PTPN3: variants seen among roughly 807,000 people sequenced by gnomAD.
PTPN3 encodes protein tyrosine phosphatase non-receptor type 3.
A neutral mutation model predicts 132.7 loss-of-function variants in PTPN3; 96 were observed. That is an observed-to-expected ratio of 0.72 (90% CI 0.61 to 0.86). PTPN3 has a LOEUF of 0.86. Among genes scored for constraint, PTPN3 ranks in the 40% least tolerant of loss-of-function variants. The pLI is 0.00. For missense variants in PTPN3, 1,125 were observed against 1,159.6 expected, an observed-to-expected ratio of 0.97 and a Z score of 0.43; for synonymous variants, 398 against 429.0, an observed-to-expected ratio of 0.93 and a Z score of 0.89.
chr9:109,521,984 G>GCTTAGAGAGT, the PTPN3 span, among the ~76,000 whole-genome samples: 2 of 152,092 alleles, frequency 1.3e-5, no homozygotes, highest in Non-Finnish European at 2.9e-5. Context: ...GGAAACCGAG[G>GCTTAGAGAGT]CTTAGAGAGG....
In PTPN3 at chr9:109,405,390, C is replaced by T. The variant is rs375288203; in HGVS notation, c.1793-782G>A. Among the ~76,000 whole-genome samples, 8 of 152,278 alleles carry T rather than the reference C, an allele frequency of 5.3e-5. No homozygotes were observed. In the South Asian group the frequency reaches 6.2e-4, roughly 12 times the overall value. ...TGGAGTGTCAGCCAAACGTGTGAGG[C>T]AGGCAGAGACGCAGGGCTTTGCAGA... On this transcript the variant is annotated intron_variant, in intron 18 of 25. Coordinates refer to ENST00000374541, the MANE Select transcript of PTPN3 (RefSeq NM_002829.4).
At chr9:109,408,144 G>A (rs528682363) in intron 17 of PTPN3, among the ~76,000 whole-genome samples, 177 bp downstream of exon 17, 10 of 152,206 alleles carry the variant, frequency 6.6e-5, no homozygotes, top group African/African-American at 2.4e-4. Flanking sequence ...CAGGTAACAT[G>A]GGTGCTATGG....
chr9:109,477,773 G>A (rs1217162769), intron 1 of PTPN3, among the ~76,000 whole-genome samples: 1 of 152,178 alleles, frequency 6.6e-6, no homozygotes, highest in Non-Finnish European at 1.5e-5. Context: ...CCTCAGTGAG[G>A]TGGCCAGCCC....
chr9:109,506,394 A>C, the PTPN3 span, among the ~76,000 whole-genome samples: 1 of 152,192 alleles, frequency 6.6e-6, no homozygotes, highest in African/African-American at 2.4e-5. Context: ...GGGGCAGAGG[A>C]GGGATGGAAG....
chr9:109,383,655 C>G (rs77234379), intron 22 of PTPN3, 104 bp from the exon 23 acceptor site: 1 of 1,455,228 alleles, frequency 6.9e-7, no homozygotes, highest in Non-Finnish European at 9.3e-7. Context: ...CATGCACACC[C>G]GAGAGCACTG....
rs185950180 is a variant in PTPN3 at position 109,415,731 on chromosome 9, G to A, written c.1313+4693C>T. 7.2e-5 allele frequency among the ~76,000 whole-genome samples: 11 copies of A among 152,298 alleles called. No individual in the cohort carries two copies. In the East Asian group the frequency reaches 1.7e-3, roughly 24 times the overall value. ...GGTAGAATCAACACGATGAGAAATGGCATAGGGACAGTGAAAGAAAAGGAG... is the reference window on the plus strand; with the variant it reads ...GGTAGAATCAACACGATGAGAAATGACATAGGGACAGTGAAAGAAAAGGAG... On this transcript the variant is annotated intron_variant, in intron 14 of 25. Transcript: ENST00000374541.
intron 5 of PTPN3, chr9:109,451,198 G>A: frequency 1.0e-6 from 1 of 972,454 alleles, no homozygotes; most frequent in Non-Finnish European, 1.2e-6. Context: ...AGGCCAGTCT[G>A]GGCAACATAG....
At chr9:109,401,728 C>T (rs998366516) in intron 19 of PTPN3, among the ~76,000 whole-genome samples, 72 of 152,276 alleles carry the variant, frequency 4.7e-4, no homozygotes, top group African/African-American at 1.0e-3. Flanking sequence ...ATCTGCACTG[C>T]GCTGTCCACC....
the PTPN3 span, among the ~76,000 whole-genome samples, chr9:109,537,308 C>G: frequency 1.3e-5 from 2 of 152,204 alleles, no homozygotes; most frequent in African/African-American, 4.8e-5. Context: ...AGTTTCCAAC[C>G]CCCTCCTCAA....
At chr9:109,388,225 G>A (rs1343011225) in intron 22 of PTPN3, among the ~76,000 whole-genome samples, 3 of 152,144 alleles carry the variant, frequency 2.0e-5, no homozygotes, top group African/African-American at 7.2e-5. Context: ...GACGGGTTAG[G>A]GCCTTCAGGA....
intron 14 of PTPN3, among the ~76,000 whole-genome samples, chr9:109,415,961 C>T (rs536952617): frequency 6.6e-6 from 1 of 152,128 alleles, no homozygotes; most frequent in Non-Finnish European, 1.5e-5. Flanking sequence ...AAAAGGGACA[C>T]AAACACTCTG....
chr9:109,441,574 T>C (rs1322945970), intron 7 of PTPN3, among the ~76,000 whole-genome samples: 2 of 152,184 alleles, frequency 1.3e-5, no homozygotes, highest in Admixed American at 1.3e-4. Context: ...GTTTTATCCA[T>C]CTGTGCACCC....
In PTPN3 at chr9:109,427,012, T is replaced by C. The variant is rs144167957; in HGVS notation, c.939A>G (p.Leu313=). 55 of 1,613,820 alleles carry C rather than the reference T, an allele frequency of 3.4e-5. No individual in the cohort carries two copies. In the African/African-American group the frequency reaches 6.4e-4, roughly 19 times the overall value. Residue 313 remains leucine, a synonymous_variant, in exon 12 of 26, where the codon CTA becomes CTG. Coordinates refer to ENST00000374541, the MANE Select transcript of PTPN3 (RefSeq NM_002829.4). The part of the protein sequence containing the change: ...EHHTFFQAKK[L]LPQEKNVLSQ... ...ACAGAACATTCTTTTCCTGAGGTAG[T>C]AGCTTCTTTGCCTGAAAGAACGTAT...
chr9:109,533,159 A>G, the PTPN3 span, among the ~76,000 whole-genome samples: 81 of 28,286 alleles, frequency 2.9e-3, no homozygotes, highest in South Asian at 4.0e-3. Context: ...TTTTTTTGAG[A>G]CGGAGTCTCG....
At position 109,391,350 on chromosome 9, in the gene PTPN3, T is replaced by C; in HGVS notation, c.2044+121A>G. The C allele has an allele frequency of 2.3e-6, 3 of 1,292,574 alleles. No individual in the cohort carries two copies. In the South Asian group the frequency reaches 4.1e-5, roughly 18 times the overall value. The allele number at this position is 1,292,574 out of a possible 1,614,324, so 80.1% of individuals were successfully genotyped here. ...TGTTCCGAGTCTGAAATGGCTGCAA[T>C]AAAGACGGTGGTGTTTACAGACACA... On this transcript the variant is annotated intron_variant, in intron 20 of 25. Coordinates refer to ENST00000374541, the MANE Select transcript of PTPN3 (RefSeq NM_002829.4).
chr9:109,478,969 TTTCTTTTTTTCTG>T (rs1588493235), intron 1 of PTPN3, among the ~76,000 whole-genome samples: 2 of 152,224 alleles, frequency 1.3e-5, no homozygotes, highest in South Asian at 4.1e-4. Context: ...TTCTTTTTCT[TTTCTTTTTTTCTG>T]TTCTTTTAAA....
the PTPN3 span, among the ~76,000 whole-genome samples, chr9:109,532,675 T>C: frequency 1.3e-5 from 2 of 152,062 alleles, no homozygotes; most frequent in Admixed American, 1.3e-4. Context: ...GCTGCTTAGA[T>C]AATACAGATA....
intron 7 of PTPN3, among the ~76,000 whole-genome samples, chr9:109,441,747 C>CT (rs35795166): frequency 6.6e-4 from 98 of 148,714 alleles, no homozygotes; most frequent in Admixed American, 9.4e-4. Flanking sequence ...CTGAAGATCA[C>CT]TTTTTTTTTT....
chr9:109,383,030 G>A (rs1346950263), intron 23 of PTPN3, among the ~76,000 whole-genome samples: 2 of 152,060 alleles, frequency 1.3e-5, no homozygotes, highest in African/African-American at 4.8e-5. Flanking sequence ...ACGACTCTAG[G>A]CACTTCACAG....
Sources: allele counts gnomAD v4.1 joint callset (sites outside exome capture counted in the v4.1 genomes callset), GRCh38; gene constraint gnomAD v4.1.1; transcripts MANE v1.5; gene names NCBI Gene and HGNC (gene_info 2026-07-23, HGNC 2026-07-21).